The following NBEA variants were observed in gnomAD, a reference collection of about 807,000 sequenced individuals.
NBEA encodes neurobeachin, also known as lysosomal-trafficking regulator 2.
NBEA carries 44 observed loss-of-function variants against 343.4 expected under a neutral mutation model. The ratio of observed to expected loss-of-function variants is 0.13; its 90% CI spans 0.10 to 0.16. NBEA has a LOEUF of 0.16. Among genes scored for constraint, NBEA ranks in the 10% least tolerant of loss-of-function variants. The probability of loss-of-function intolerance (pLI) is 1.00; values close to 1 mark genes in which losing one functional copy is unlikely to be tolerated. For missense variants in NBEA, 2,555 were observed against 3,631.3 expected (o/e 0.70, Z 7.62); for synonymous variants, 1,175 against 1,238.7 (o/e 0.95, Z 1.08).
intron 1 of NBEA, among the ~76,000 whole-genome samples, chr13:34,995,920 A>G (rs1335747924): frequency 6.6e-6 from 1 of 152,268 alleles, no homozygotes; most frequent in Admixed American, 6.5e-5. Flanking sequence ...CTACCTGCTA[A>G]TGGGACGTGA....
chr13:35,374,321 A>T (rs1340460496), intron 38 of NBEA, among the ~76,000 whole-genome samples: 3 of 152,222 alleles, frequency 2.0e-5, no homozygotes, highest in Admixed American at 2.0e-4. Flanking sequence ...TATGGGCAAC[A>T]TTCATGGCAC....
Position 35,048,630 on chromosome 13 carries a change from G to A in NBEA, c.791G>A (p.Arg264His). Reference sequence around the variant, plus strand: ...GGCTTCACCTTAAACACTTGGTTTCGTATGGATCCATTAAATAATATTAAT... The same window carrying A: ...GGCTTCACCTTAAACACTTGGTTTCATATGGATCCATTAAATAATATTAAT... ...QNGFTLNTWF[R>H]MDPLNNINVD... The change falls in exon 5 of 59, where the codon CGT becomes CAT. Residue 264 changes from arginine (R) to histidine (H), a missense_variant. By Grantham distance (29) the Arg-to-His change is conservative (BLOSUM62 0). This residue lies in a region of NBEA where 185 missense variants were observed against 290.6 expected (regional missense o/e 0.64). Transcript: ENST00000379939. The A allele has an allele frequency of 2.6e-6, 4 of 1,509,754 alleles. No individual in the cohort carries two copies. The highest frequency in any genetic ancestry group is 3.7e-6 in the Non-Finnish European group (4 of 1,089,022). 93.5% of individuals were successfully genotyped at this position (1,509,754 alleles called of 1,614,324 possible).
intron 38 of NBEA, among the ~76,000 whole-genome samples, chr13:35,390,012 ACT>A (rs1413117210): frequency 3.6e-5 from 2 of 56,050 alleles, no homozygotes; most frequent in African/African-American, 5.8e-5. Flanking sequence ...TGTACTCAGT[ACT>A]CTCTGATATA....
At chr13:35,033,620 ATTCT>A (rs969737734) in intron 1 of NBEA, among the ~76,000 whole-genome samples, 1 of 151,866 alleles carries the variant, frequency 6.6e-6, no homozygotes, top group African/African-American at 2.4e-5. Flanking sequence ...AACAATACTG[ATTCT>A]TTCAATCCAT....
At chr13:34,965,935 G>C (rs949852080) in intron 1 of NBEA, among the ~76,000 whole-genome samples, 1 of 152,026 alleles carries the variant, frequency 6.6e-6, no homozygotes, top group Non-Finnish European at 1.5e-5. Context: ...TATGTTGCTA[G>C]GCTGTTGACT....
At chr13:35,160,145 A>T in intron 22 of NBEA, 113 bp downstream of exon 22, 1 of 995,894 alleles carries the variant, frequency 1.0e-6, no homozygotes, top group South Asian at 1.9e-5. Context: ...GAATTATAGT[A>T]TAATAGTAAT....
In NBEA at chr13:35,156,044, A is replaced by G. The variant is rs200707541; in HGVS notation, c.2528-39A>G. ...ATACTTTTTGAGTTGAACATAGGATATGGTTACAAATCTACAAGTTTTTTT... is the reference window on the plus strand; with the variant it reads ...ATACTTTTTGAGTTGAACATAGGATGTGGTTACAAATCTACAAGTTTTTTT... On this transcript the variant is annotated intron_variant, in intron 19 of 58. Coordinates refer to ENST00000379939, the MANE Select transcript of NBEA (RefSeq NM_001385012.1). 802 of 1,552,264 alleles carry G rather than the reference A, an allele frequency of 5.2e-4. 4 individuals carry two copies. Among genetic ancestry groups the G allele is most frequent in the Non-Finnish European group, 6.1e-4 (703 of 1,154,148 alleles).
intron 33 of NBEA, among the ~76,000 whole-genome samples, chr13:35,217,366 A>AT (rs1199831717): frequency 4.6e-5 from 7 of 151,760 alleles, no homozygotes; most frequent in Non-Finnish European, 8.8e-5. Flanking sequence ...AAAAATTTAA[A>AT]TTTTTTTTAA....
intron 55 of NBEA, among the ~76,000 whole-genome samples, chr13:35,659,439 A>G (rs979203311): frequency 1.2e-4 from 18 of 152,258 alleles, no homozygotes; most frequent in African/African-American, 4.3e-4. Context: ...ATTGTAATAG[A>G]TAGCTCTATT....
chr13:35,518,456 C>G (rs2077568943), intron 41 of NBEA, among the ~76,000 whole-genome samples: 1 of 152,084 alleles, frequency 6.6e-6, no homozygotes, highest in Non-Finnish European at 1.5e-5. Context: ...TGGTTTAAAG[C>G]CAAAGTCTGT....
chr13:35,481,757 A>G (rs2076129613), intron 41 of NBEA, among the ~76,000 whole-genome samples: 1 of 151,898 alleles, frequency 6.6e-6, no homozygotes, highest in Non-Finnish European at 1.5e-5. Flanking sequence ...TTTTCTATAT[A>G]ATGTATGAAA....
chr13:35,024,955 G>A (rs73491543), intron 1 of NBEA, among the ~76,000 whole-genome samples: 2,406 of 152,124 alleles, frequency 0.016, 67 homozygotes, highest in African/African-American at 0.049. Flanking sequence ...ATACTTGTTG[G>A]CCTCATGTAT....
At chr13:35,005,928 A>G (rs1057264471) in intron 1 of NBEA, among the ~76,000 whole-genome samples, 30 of 152,180 alleles carry the variant, frequency 2.0e-4, no homozygotes, top group African/African-American at 6.8e-4. Context: ...GACAGGAACC[A>G]TTTCATAGCC....
At chr13:35,567,091 A>G (rs2080171608) in intron 45 of NBEA, 74 bp downstream of exon 45, 4 of 720,424 alleles carry the variant, frequency 5.6e-6, no homozygotes, top group Admixed American at 4.9e-5. Flanking sequence ...CAGAGTATAT[A>G]TAGCCAGTTA....
intron 55 of NBEA, among the ~76,000 whole-genome samples, chr13:35,661,876 A>C (rs1045858753): frequency 6.6e-6 from 1 of 152,198 alleles, no homozygotes; most frequent in Non-Finnish European, 1.5e-5. Flanking sequence ...CAGAAATAAA[A>C]TCTGAATCAG....
At chr13:35,045,613 T>A (rs1440465622) in intron 4 of NBEA, among the ~76,000 whole-genome samples, 1 of 152,184 alleles carries the variant, frequency 6.6e-6, no homozygotes, top group Non-Finnish European at 1.5e-5. Flanking sequence ...CCTCTACCCA[T>A]CCCCACTCCT....
chr13:35,339,819 G>C (rs1311456300), intron 36 of NBEA, among the ~76,000 whole-genome samples: 1 of 152,044 alleles, frequency 6.6e-6, no homozygotes, highest in African/African-American at 2.4e-5. Context: ...ACAGCAGCAA[G>C]AGGATATTTC....
chr13:35,100,138 A>T (rs1184770021), intron 11 of NBEA, among the ~76,000 whole-genome samples: 1 of 152,080 alleles, frequency 6.6e-6, no homozygotes, highest in Non-Finnish European at 1.5e-5. Context: ...TGATTAATGG[A>T]TAAACAAAAT....
intron 34 of NBEA, among the ~76,000 whole-genome samples, chr13:35,277,377 T>G (rs149817098): frequency 1.2e-3 from 181 of 152,144 alleles, no homozygotes; most frequent in African/African-American, 4.3e-3. Context: ...ATCCCATCAC[T>G]TTGGGAGGCC....
Sources: gnomAD v4.1 joint callset for allele counts (sites outside exome capture counted in the v4.1 genomes callset) on GRCh38, gnomAD v4.1.1 for gene constraint, gnomAD v4.1.1 regional missense constraint, MANE v1.5 for transcripts, NCBI Gene and HGNC (gene_info 2026-07-23, HGNC 2026-07-21) for gene names.